EPHA3: variants seen among roughly 807,000 people sequenced by gnomAD.
EPHA3 encodes ephrin type-A receptor 3.
EPHA3 carries 42 observed loss-of-function variants against 107.1 expected under a neutral mutation model. The observed-to-expected ratio is 0.39, with a 90% CI of 0.31 to 0.51. The LOEUF (loss-of-function observed/expected upper bound fraction) is 0.51, where lower values mean the gene tolerates loss of function less well. EPHA3 is among the 20% of genes least tolerant of loss of function. EPHA3 has a pLI of 0.78. For synonymous variants in EPHA3, 461 were observed against 424.8 expected (o/e 1.09, Z -1.05); for missense variants, 1,183 against 1,211.2 (o/e 0.98, Z 0.35).
intron 7 of EPHA3, among the ~76,000 whole-genome samples, chr3:89,404,342 A>G (rs547082037): frequency 6.6e-6 from 1 of 152,320 alleles, no homozygotes; most frequent in South Asian, 2.1e-4. Context: ...GCTTGGCACT[A>G]CTGTAAGTGT....
At chr3:89,353,927 G>A (rs73846145) in intron 5 of EPHA3, among the ~76,000 whole-genome samples, 5,884 of 151,232 alleles carry the variant, frequency 0.039, 419 homozygotes, top group African/African-American at 0.13. Flanking sequence ...AGACATGTAC[G>A]TGGAAGGGTA....
At chr3:89,191,921 A>T (rs540702164) in intron 2 of EPHA3, among the ~76,000 whole-genome samples, 1 of 152,210 alleles carries the variant, frequency 6.6e-6, no homozygotes, top group Non-Finnish European at 1.5e-5. Context: ...TATAATATAA[A>T]TCAAAGAAGC....
chr3:89,146,593 GC>G (rs1704564213), intron 2 of EPHA3, among the ~76,000 whole-genome samples: 2 of 152,078 alleles, frequency 1.3e-5, no homozygotes, highest in South Asian at 4.1e-4. Context: ...TCTGTAGGTT[GC>G]CTGTTCACTC....
intron 5 of EPHA3, among the ~76,000 whole-genome samples, chr3:89,391,602 T>G (rs1367323680): frequency 6.6e-6 from 1 of 150,386 alleles, no homozygotes; most frequent in Non-Finnish European, 1.5e-5. Context: ...TAATTTTTTG[T>G]ATTTTTTTTT....
At chr3:89,133,222 A>G (rs1205172806) in intron 2 of EPHA3, among the ~76,000 whole-genome samples, 1 of 152,136 alleles carries the variant, frequency 6.6e-6, no homozygotes, top group Non-Finnish European at 1.5e-5. Context: ...AAGTCTCAGC[A>G]GGCACCTCTT....
intron 3 of EPHA3, among the ~76,000 whole-genome samples, chr3:89,254,302 A>C (rs1052962103): frequency 3.9e-5 from 6 of 152,190 alleles, no homozygotes; most frequent in Non-Finnish European, 8.8e-5. Flanking sequence ...GCACTGATCA[A>C]ATAGTCAATA....
chr3:89,273,337 T>A (rs1400723272), intron 3 of EPHA3, among the ~76,000 whole-genome samples: 2 of 151,986 alleles, frequency 1.3e-5, no homozygotes, highest in African/African-American at 2.4e-5. Context: ...TTGTTGCCAT[T>A]TCTGTATTCT....
intron 1 of EPHA3, among the ~76,000 whole-genome samples, chr3:89,110,283 G>A (rs548814529): frequency 1.3e-5 from 2 of 151,962 alleles, no homozygotes; most frequent in East Asian, 3.9e-4. Flanking sequence ...TATGAAGTTA[G>A]GCATTTGAGA....
At chr3:89,382,582 G>A (rs961499212) in intron 5 of EPHA3, among the ~76,000 whole-genome samples, 9 of 152,076 alleles carry the variant, frequency 5.9e-5, no homozygotes, top group African/African-American at 2.2e-4. Flanking sequence ...CAGTCAGGAG[G>A]CAGAGGGAGC....
intron 2 of EPHA3, among the ~76,000 whole-genome samples, chr3:89,163,928 T>C (rs1383233959): frequency 6.6e-6 from 1 of 152,206 alleles, no homozygotes; most frequent in Non-Finnish European, 1.5e-5. Flanking sequence ...GATTAAGGAA[T>C]GAGATCTTTA....
chr3:89,417,503 A>C (rs1275500375), intron 10 of EPHA3, among the ~76,000 whole-genome samples: 1 of 151,506 alleles, frequency 6.6e-6, no homozygotes, highest in African/African-American at 2.4e-5. Context: ...GAGCGCTCTG[A>C]TAATGTTCGG....
At chr3:89,262,862 C>T (rs1040024982) in intron 3 of EPHA3, among the ~76,000 whole-genome samples, 17 of 151,506 alleles carry the variant, frequency 1.1e-4, no homozygotes, top group Non-Finnish European at 2.4e-4. Flanking sequence ...ACAGCAAGCC[C>T]TTTTGGGCGC....
chr3:89,325,942 G>T lies in EPHA3; in HGVS notation c.815-14974G>T, dbSNP rs116467554. ...ACAGTTAAGATATTATACATATTAA[G>T]AATTTTTAAAAATGAAATCTTTAAT... On this transcript the variant is annotated intron_variant, in intron 3 of 16. Transcript: ENST00000336596. Among the ~76,000 whole-genome samples, 705 of 150,552 alleles carry T rather than the reference G, an allele frequency of 4.7e-3. 5 individuals carry two copies. Among genetic ancestry groups the T allele is most frequent in the African/African-American group, 0.016 (673 of 41,192 alleles).
At chr3:89,150,997 A>T (rs894079290) in intron 2 of EPHA3, among the ~76,000 whole-genome samples, 2 of 152,036 alleles carry the variant, frequency 1.3e-5, no homozygotes, top group East Asian at 3.9e-4. Flanking sequence ...GACAATACAG[A>T]CAAGTTCTAA....
intron 14 of EPHA3, among the ~76,000 whole-genome samples, chr3:89,449,763 C>T (rs1162409853): frequency 6.6e-6 from 1 of 152,078 alleles, no homozygotes; most frequent in East Asian, 1.9e-4. Flanking sequence ...AAAAAAATTA[C>T]TATAATTTGG....
intron 16 of EPHA3, among the ~76,000 whole-genome samples, chr3:89,477,787 C>T (rs1245153395): frequency 6.6e-6 from 1 of 151,778 alleles, no homozygotes; most frequent in African/African-American, 2.4e-5. Flanking sequence ...AGCCCACTAA[C>T]TGGCAGCCAT....
In EPHA3 at chr3:89,228,325, T is replaced by A. The variant is rs556095115; in HGVS notation, c.814+17805T>A. Among the ~76,000 whole-genome samples the A allele has an allele frequency of 2.5e-3, 378 of 151,956 alleles. 2 individuals are homozygous for A. Among genetic ancestry groups the A allele is most frequent in the African/African-American group, 6.2e-3 (256 of 41,534 alleles). On this transcript the variant is annotated intron_variant, in intron 3 of 16. Transcript: ENST00000336596. ...TGATATAGTGTTCCTTTGAAAAAATTGGACAAAATAACAATGAGAAAGCCT... is the reference window on the plus strand; with the variant it reads ...TGATATAGTGTTCCTTTGAAAAAATAGGACAAAATAACAATGAGAAAGCCT...
chr3:89,479,292 T>A, intron 16 of EPHA3, 105 bp from the exon 17 acceptor site: 1 of 834,804 alleles, frequency 1.2e-6, no homozygotes, highest in East Asian at 2.6e-5. Context: ...GACAATTAGG[T>A]CCACAGTACT....
At chr3:89,203,900 C>T (rs1329212961) in intron 2 of EPHA3, among the ~76,000 whole-genome samples, 1 of 152,114 alleles carries the variant, frequency 6.6e-6, no homozygotes, top group Non-Finnish European at 1.5e-5. Flanking sequence ...AACTAGAAGA[C>T]AGAGAAGAAA....
Sources: gnomAD v4.1 joint callset for allele counts (sites outside exome capture counted in the v4.1 genomes callset) on GRCh38, gnomAD v4.1.1 for gene constraint, MANE v1.5 for transcripts, NCBI Gene and HGNC (gene_info 2026-07-23, HGNC 2026-07-21) for gene names.